NPLOC4: variants seen among roughly 807,000 people sequenced by gnomAD.
NPLOC4 encodes nuclear protein localization protein 4 homolog.
In NPLOC4, 18 loss-of-function variants were observed where a neutral mutation model predicts 80.6. That is an observed-to-expected ratio of 0.22 (90% CI 0.15 to 0.33). NPLOC4 has a LOEUF of 0.33. Ranked by LOEUF, NPLOC4 falls within the 10% of genes least tolerant of loss-of-function variation. NPLOC4 has a pLI of 1.00. For missense variants in NPLOC4, 540 were observed against 786.1 expected (o/e 0.69, Z 3.74); for synonymous variants, 313 against 301.5 (o/e 1.04, Z -0.39).
chr17:81,615,256 C>T lies in NPLOC4; in HGVS notation c.210-1762G>A, dbSNP rs560737225. 2.6e-5 allele frequency among the ~76,000 whole-genome samples: 4 copies of T among 151,974 alleles called. No individual in the cohort carries two copies. The East Asian group carries it at 5.8e-4, about 22-fold the overall frequency. Reference sequence around the variant, plus strand: ...CTGGGATTACAGACATGTGCCACCACGCCCAGATACTTTTTGTATTTTTAA... The same window carrying T: ...CTGGGATTACAGACATGTGCCACCATGCCCAGATACTTTTTGTATTTTTAA... On this transcript the variant is annotated intron_variant, in intron 3 of 16. Coordinates refer to ENST00000331134, the MANE Select transcript of NPLOC4 (RefSeq NM_017921.4).
In NPLOC4 at chr17:81,610,241, A is replaced by C. The variant is rs1459558284; in HGVS notation, c.404T>G (p.Leu135Trp). 1 of 1,574,934 alleles carries C rather than the reference A, an allele frequency of 6.3e-7. No individual in the cohort carries two copies. The highest frequency in any genetic ancestry group is 1.9e-5 in the Admixed American group (1 of 53,796). The change falls in exon 5 of 17, where the codon TTG (leucine) becomes TGG (tryptophan). Residue 135 changes from leucine to tryptophan, a missense_variant. Around this residue, in one of 6 missense-constraint regions of NPLOC4, gnomAD observed 74 missense variants for 75.7 expected, o/e 0.98. Coordinates refer to ENST00000331134, the MANE Select transcript of NPLOC4 (RefSeq NM_017921.4). ...AGGGACGCAGTGCACGCATTTCCCC[A>C]AAGGGCCGTGGCGGCATCTGAGGAG... ...RDPQLCRHGP[L>W]GKCVHCVPLE...
At chr17:81,593,746 G>A (rs906712621) in intron 11 of NPLOC4, among the ~76,000 whole-genome samples, 4 of 151,474 alleles carry the variant, frequency 2.6e-5, no homozygotes, top group South Asian at 2.1e-4. Context: ...CGCTGGCCAG[G>A]CAGAATTCTA....
Position 81,588,966 on chromosome 17 carries a change from T to C in NPLOC4, c.1259A>G (p.Tyr420Cys). 3 of 1,613,860 alleles carry C rather than the reference T, an allele frequency of 1.9e-6. No homozygotes were observed. Among genetic ancestry groups the C allele is most frequent in the Non-Finnish European group, 2.5e-6 (3 of 1,179,808 alleles). Residue 420 changes from tyrosine to cysteine, a missense_variant, in exon 12 of 17, where the codon TAC (tyrosine) becomes TGC (cysteine). Physicochemically the swap from Tyr to Cys is radical, Grantham distance 194. Transcript: ENST00000331134. ...TACCTTATAAAACACATCAGGCACG[T>C]ACTGCTCACTGCTAGACTCCTTGGC... is the stretch of plus-strand genomic sequence containing the variant. ...GYAKESSSEQ[Y>C]VPDVFYKDVD...
At chr17:81,603,494 G>A (rs1166246427) in intron 8 of NPLOC4, among the ~76,000 whole-genome samples, 2 of 152,110 alleles carry the variant, frequency 1.3e-5, no homozygotes, top group African/African-American at 2.4e-5. Context: ...TACTCAGAAG[G>A]CTGAGGCAGG....
chr17:81,613,292 A>G, intron 4 of NPLOC4, 26 bp downstream of exon 4: 1 of 1,598,854 alleles, frequency 6.3e-7, no homozygotes, highest in Middle Eastern at 1.7e-4. Context: ...CACAAGTAGG[A>G]CCCTGGAATC....
intron 4 of NPLOC4, among the ~76,000 whole-genome samples, chr17:81,610,965 A>G (rs917484647): frequency 2.9e-5 from 1 of 34,496 alleles, no homozygotes; most frequent in Non-Finnish European, 1.2e-4. Flanking sequence ...TCTCAAAAAA[A>G]AAAAAAAAAA....
Position 81,584,652 on chromosome 17 carries a change from G to A in NPLOC4, c.1281+4292C>T, listed in dbSNP as rs146757075. On this transcript the variant is annotated intron_variant, in intron 12 of 16. Coordinates refer to ENST00000331134, the MANE Select transcript of NPLOC4 (RefSeq NM_017921.4). The stretch of plus-strand genomic sequence containing the variant: ...AAAGGATAATACGTGTAGGAAATGC[G>A]AAAGACTAAACTTATAAATAATAAT... Among the ~76,000 whole-genome samples the A allele has an allele frequency of 1.7e-3, 263 of 152,272 alleles. 1 individual carries two copies. The highest frequency in any genetic ancestry group is 3.3e-3 in the Non-Finnish European group (225 of 68,032).
intron 3 of NPLOC4, among the ~76,000 whole-genome samples, chr17:81,616,333 A>AAAAAGAAAAGAAAC (rs1555686399): frequency 8.6e-6 from 1 of 115,636 alleles, no homozygotes; most frequent in African/African-American, 3.4e-5. Context: ...AAAAAAAAAA[A>AAAAAGAAAAGAAAC]AAAAAGAAAA....
chr17:81,587,863 G>C (rs888265928), intron 12 of NPLOC4, among the ~76,000 whole-genome samples: 31 of 149,836 alleles, frequency 2.1e-4, no homozygotes, highest in African/African-American at 7.6e-4. Context: ...TTTTAGTAGA[G>C]ACGGGGTTTC....
intron 6 of NPLOC4, among the ~76,000 whole-genome samples, chr17:81,607,665 CTG>C (rs147764681): frequency 0.01 from 1,540 of 152,302 alleles, 14 homozygotes; most frequent in Non-Finnish European, 0.016. Flanking sequence ...CCACTAGAGA[CTG>C]TGTTCCTTGA....
chr17:81,580,695 T>C lies in NPLOC4; in HGVS notation c.1281+8249A>G, dbSNP rs971308806. Among the ~76,000 whole-genome samples the C allele has an allele frequency of 3.3e-5, 5 of 152,278 alleles. No individual in the cohort carries two copies. The East Asian group carries it at 7.7e-4, about 23-fold the overall frequency. ...AGCTTCTCTACCCGTTCCGCTGGGG[T>C]GGCCCACCTCCCCTGCTGCAGCAGT... On this transcript the variant is annotated intron_variant, in intron 12 of 16. Coordinates refer to ENST00000331134, the MANE Select transcript of NPLOC4 (RefSeq NM_017921.4). The surrounding 1 kb of genome is among the most constrained non-coding windows in gnomAD (Gnocchi z 4.4).
intron 9 of NPLOC4, among the ~76,000 whole-genome samples, chr17:81,599,282 C>G (rs1179282065): frequency 1.4e-5 from 2 of 140,576 alleles, no homozygotes; most frequent in African/African-American, 5.5e-5. Flanking sequence ...GAGCAAGACT[C>G]CTCAAAAAAA....
chr17:81,617,552 G>A (rs998393078), intron 3 of NPLOC4, among the ~76,000 whole-genome samples: 2 of 152,152 alleles, frequency 1.3e-5, no homozygotes, highest in Non-Finnish European at 1.5e-5. Context: ...GCTCATGCCT[G>A]TAATCCCAGC....
At chr17:81,564,083 A>AACACACACACACACACACACAC (rs58774657) in intron 16 of NPLOC4, 193 of 274,892 alleles carry the variant, frequency 7.0e-4, no homozygotes, top group African/African-American at 4.5e-3. Flanking sequence ...TCCAGCTCAA[A>AACACACACACACACACACACAC]ACACACACAC....
intron 5 of NPLOC4, among the ~76,000 whole-genome samples, chr17:81,609,434 G>A (rs200072788): frequency 6.6e-6 from 1 of 152,148 alleles, no homozygotes; most frequent in Non-Finnish European, 1.5e-5. Context: ...AGCTTCCTGA[G>A]TAGCTGGGAC....
intron 3 of NPLOC4, among the ~76,000 whole-genome samples, chr17:81,619,284 G>T (rs1394374697): frequency 1.3e-5 from 2 of 152,126 alleles, no homozygotes; most frequent in Non-Finnish European, 2.9e-5. Flanking sequence ...GGCTGAGGCA[G>T]GAGAATGGCA....
chr17:81,578,310 A>C (rs937170169), intron 12 of NPLOC4, among the ~76,000 whole-genome samples: 1 of 152,038 alleles, frequency 6.6e-6, no homozygotes, highest in Non-Finnish European at 1.5e-5. Flanking sequence ...CACACACTCT[A>C]GTCTCAGCAC....
rs1555680405 is a variant in NPLOC4 at position 81,581,375 on chromosome 17, A to AAAAAAAAAAAAAGTC, written c.1281+7568_1281+7569insGACTTTTTTTTTTTT. 5.6e-3 allele frequency among the ~76,000 whole-genome samples: 407 copies of AAAAAAAAAAAAAGTC among 72,844 alleles called. 134 individuals carry two copies. Among genetic ancestry groups the AAAAAAAAAAAAAGTC allele is most frequent in the Admixed American group, 8.0e-3 (46 of 5,762 alleles). The allele number at this position is 72,844 out of a possible 152,430, so 47.8% of individuals were successfully genotyped here. A position where few individuals can be genotyped will look rare whatever the true frequency, so the allele number is the denominator to read the frequency against. ...AAAAAAAAAAAAAAAAAAAAAAAAA[A>AAAAAAAAAAAAAGTC]AGTTAATAAAATCACCATGTCACAA... is the stretch of plus-strand genomic sequence containing the variant. On this transcript the variant is annotated intron_variant, in intron 12 of 16. Coordinates refer to ENST00000331134, the MANE Select transcript of NPLOC4 (RefSeq NM_017921.4).
chr17:81,633,000 G>C (rs1301213468), intron 1 of NPLOC4, among the ~76,000 whole-genome samples: 3 of 151,816 alleles, frequency 2.0e-5, no homozygotes, highest in African/African-American at 7.3e-5. Context: ...CGTGGTGGAG[G>C]GCGCCTGTAG....
Sources: allele counts gnomAD v4.1 joint callset (sites outside exome capture counted in the v4.1 genomes callset), GRCh38; gene constraint gnomAD v4.1.1; regional missense constraint gnomAD v4.1.1; non-coding constraint Gnocchi (gnomAD v3.1); transcripts MANE v1.5; gene names NCBI Gene and HGNC (gene_info 2026-07-23, HGNC 2026-07-21).